Variants in ZEB2 observed in about 807,000 individuals in gnomAD.
ZEB2 encodes the protein zinc finger E-box-binding homeobox 2.
Under a neutral mutation model 99.9 loss-of-function variants are expected in ZEB2, and 6 were observed. The observed-to-expected ratio is 0.06, with a 90% CI of 0.03 to 0.12. The LOEUF (loss-of-function observed/expected upper bound fraction) is 0.12, where lower values mean the gene tolerates loss of function less well. Among genes scored for constraint, ZEB2 ranks in the 10% least tolerant of loss-of-function variants. ZEB2 has a pLI of 1.00. For synonymous variants in ZEB2, 517 were observed against 542.5 expected (o/e 0.95, Z 0.65); for missense variants, 969 against 1,502.8 (o/e 0.64, Z 5.87).
At chr2:144,517,579 A>G in intron 1 of ZEB2, 160 bp from the exon 2 acceptor site, 1 of 306,026 alleles carries the variant, frequency 3.3e-6, no homozygotes, top group East Asian at 7.9e-5. Context: ...CCCCACCCCC[A>G]GCCTTGGCCC....
chr2:144,471,765 G>T (rs1176780925), intron 2 of ZEB2, among the ~76,000 whole-genome samples: 1 of 151,486 alleles, frequency 6.6e-6, no homozygotes, highest in Non-Finnish European at 1.5e-5. Flanking sequence ...TGTAAATGTG[G>T]TCAACATTCC....
chr2:144,426,990 T>C (rs184177836), intron 3 of ZEB2: 2 of 152,314 alleles, frequency 1.3e-5, no homozygotes, highest in African/African-American at 4.8e-5. Flanking sequence ...TCTGGCTGTC[T>C]TTCTGCCTTA....
chr2:144,481,187 C>T (rs1320624941), intron 2 of ZEB2, among the ~76,000 whole-genome samples: 2 of 152,096 alleles, frequency 1.3e-5, no homozygotes, highest in African/African-American at 4.8e-5. Context: ...GCTTCAGGCG[C>T]TTATGAAAAA....
intron 2 of ZEB2, among the ~76,000 whole-genome samples, chr2:144,476,815 G>C (rs907475591): frequency 2.0e-5 from 3 of 152,072 alleles, no homozygotes; most frequent in Non-Finnish European, 4.4e-5. Flanking sequence ...CTAATGAATG[G>C]GCAGGCATGG....
chr2:144,435,937 T>C (rs1261785191), intron 2 of ZEB2, among the ~76,000 whole-genome samples: 1 of 152,140 alleles, frequency 6.6e-6, no homozygotes, highest in East Asian at 1.9e-4. Context: ...TTTTTTTTTT[T>C]TTTAAATCAC....
At chr2:144,519,247 C>T (rs1482350438) in intron 1 of ZEB2, 2 of 152,196 alleles carry the variant, frequency 1.3e-5, no homozygotes, top group Non-Finnish European at 2.9e-5. Context: ...TAGTGCCCCC[C>T]CCTCCACTTT....
intron 8 of ZEB2, 25 bp from the exon 9 acceptor site, chr2:144,396,617 TAC>T (rs1433756041): frequency 1.2e-6 from 2 of 1,608,950 alleles, no homozygotes; most frequent in African/African-American, 2.7e-5. Flanking sequence ...CACAGTTCAA[TAC>T]AGTGGCTTCT....
At chr2:144,518,770 G>T (rs1705213554) in intron 1 of ZEB2, 2 of 152,186 alleles carry the variant, frequency 1.3e-5, no homozygotes, top group Admixed American at 1.3e-4. Flanking sequence ...CTGAAATAAA[G>T]AAATGGTCAC....
intron 2 of ZEB2, chr2:144,516,090 C>G (rs971806754): frequency 6.6e-6 from 1 of 152,242 alleles, no homozygotes; most frequent in African/African-American, 2.4e-5. Context: ...GGCCCCGCGC[C>G]GGGTGATCGG....
At chr2:144,413,142 C>A (rs958234386) in intron 4 of ZEB2, among the ~76,000 whole-genome samples, 33 of 151,998 alleles carry the variant, frequency 2.2e-4, no homozygotes, top group Non-Finnish European at 7.4e-5. Context: ...CTGGCTAGGC[C>A]TAGAGAATTT....
intron 2 of ZEB2, among the ~76,000 whole-genome samples, chr2:144,483,996 A>T (rs1704556332): frequency 6.6e-6 from 1 of 152,136 alleles, no homozygotes; most frequent in Non-Finnish European, 1.5e-5. Context: ...CTAAAACTAG[A>T]GCTTCAAAGG....
At chr2:144,490,564 G>T (rs1044895339) in intron 2 of ZEB2, among the ~76,000 whole-genome samples, 3 of 152,148 alleles carry the variant, frequency 2.0e-5, no homozygotes, top group South Asian at 2.1e-4. Context: ...TACAGTTAGA[G>T]ATCCTGCCAT....
chr2:144,435,965 C>T (rs977256004), intron 2 of ZEB2, among the ~76,000 whole-genome samples: 1 of 151,460 alleles, frequency 6.6e-6, no homozygotes, highest in East Asian at 1.9e-4. Context: ...TTGTTACCTC[C>T]GTGCTTGGGT....
chr2:144,387,045 G>GTATATATATATA lies in ZEB2; in HGVS notation c.*2394_*2405dup, dbSNP rs143648355. On this transcript the variant is annotated 3_prime_UTR_variant, in exon 10 of 10. Coordinates refer to ENST00000627532, the MANE Select transcript of ZEB2 (RefSeq NM_014795.4). The stretch of plus-strand genomic sequence containing the variant: ...ATCCTTTCTGTGTATGTGTGTGTGT[G>GTATATATATATA]TATATATATATATATATACACACAC... 1 of 139,478 alleles carries GTATATATATATA rather than the reference G, an allele frequency of 7.2e-6. No individual in the cohort carries two copies. Among genetic ancestry groups the GTATATATATATA allele is most frequent in the African/African-American group, 2.6e-5 (1 of 37,880 alleles). The allele number at this position is 139,478 out of a possible 1,614,324, so 8.6% of individuals were successfully genotyped here. A position where few individuals can be genotyped will look rare whatever the true frequency, so the allele number is the denominator to read the frequency against.
chr2:144,507,690 A>C (rs1449873339), intron 2 of ZEB2, among the ~76,000 whole-genome samples: 1 of 152,182 alleles, frequency 6.6e-6, no homozygotes, highest in African/African-American at 2.4e-5. Flanking sequence ...ATCAGCTCTC[A>C]TAGTTTCTTG....
At chr2:144,485,135 T>C (rs1453882698) in intron 2 of ZEB2, among the ~76,000 whole-genome samples, 3 of 152,186 alleles carry the variant, frequency 2.0e-5, no homozygotes, top group African/African-American at 7.2e-5. Context: ...GTCAAAAGGC[T>C]GGTATTCAAA....
In ZEB2 at chr2:144,489,540, T is replaced by A. The variant is rs190898763; in HGVS notation, c.73+27738A>T. On this transcript the variant is annotated intron_variant, in intron 2 of 9. Coordinates refer to ENST00000627532, the MANE Select transcript of ZEB2 (RefSeq NM_014795.4). Reference sequence around the variant, plus strand: ...CAGCAGAATCTCCTCTCTACTTTATTTCATTTATAAATTACTAGAATGATG... The same window carrying A: ...CAGCAGAATCTCCTCTCTACTTTATATCATTTATAAATTACTAGAATGATG... 1.7e-3 allele frequency among the ~76,000 whole-genome samples: 265 copies of A among 152,356 alleles called. 1 individual carries two copies. Among genetic ancestry groups the A allele is most frequent in the Non-Finnish European group, 2.5e-4 (17 of 68,034 alleles).
chr2:144,506,076 A>C (rs1219960574), intron 2 of ZEB2, among the ~76,000 whole-genome samples: 1 of 152,228 alleles, frequency 6.6e-6, no homozygotes, highest in Non-Finnish European at 1.5e-5. Flanking sequence ...TAAATAATAC[A>C]CTTAAAGCTT....
chr2:144,388,954 TTGA>T lies in ZEB2; in HGVS notation c.*494_*496del. The T allele has an allele frequency of 2.2e-6, 1 of 446,340 alleles. No individual in the cohort carries two copies. The highest frequency in any genetic ancestry group is 6.9e-5 in the East Asian group (1 of 14,470). 27.6% of individuals were successfully genotyped at this position (446,340 alleles called of 1,614,324 possible). A position where few individuals can be genotyped will look rare whatever the true frequency, so the allele number is the denominator to read the frequency against. ...TTAAGCTGAAAAAAAAAATGGGAAA[TTGA>T]TGAATAGCGAAAGGAAAGTACAGAG... On this transcript the variant is annotated 3_prime_UTR_variant, in exon 10 of 10. Transcript: ENST00000627532. The surrounding 1 kb of genome is among the most constrained non-coding windows in gnomAD (Gnocchi z 5.4).
Sources: allele counts gnomAD v4.1 joint callset (sites outside exome capture counted in the v4.1 genomes callset), GRCh38; gene constraint gnomAD v4.1.1; non-coding constraint Gnocchi (gnomAD v3.1); transcripts MANE v1.5; gene names NCBI Gene and HGNC (gene_info 2026-07-23, HGNC 2026-07-21).